TBC1D22A: variants seen among roughly 807,000 people sequenced by gnomAD.
TBC1D22A encodes putative GTPase activator.
In TBC1D22A, 38 loss-of-function variants were observed where a neutral mutation model predicts 60.2. The ratio of observed to expected loss-of-function variants is 0.63; its 90% confidence interval spans 0.49 to 0.83. The LOEUF is 0.83. TBC1D22A is among the 40% of genes least tolerant of loss of function. TBC1D22A has a pLI of 0.00. For missense variants in TBC1D22A, 628 were observed against 701.0 expected (o/e 0.90, Z 1.18); for synonymous variants, 302 against 281.7 (o/e 1.07, Z -0.72).
intron 1 of TBC1D22A, among the ~76,000 whole-genome samples, chr22:46,764,838 T>A (rs1301925560): frequency 6.6e-6 from 1 of 152,204 alleles, no homozygotes; most frequent in Non-Finnish European, 1.5e-5. Flanking sequence ...CAAGGAAGGA[T>A]GCTCACCTAG....
intron 8 of TBC1D22A, among the ~76,000 whole-genome samples, chr22:46,965,705 C>T (rs1049620446): frequency 2.0e-5 from 3 of 152,236 alleles, no homozygotes; most frequent in Non-Finnish European, 2.9e-5. Context: ...GGTGACATCT[C>T]GGCAGCAGGC....
intron 8 of TBC1D22A, among the ~76,000 whole-genome samples, chr22:46,943,475 C>T (rs762287253): frequency 7.2e-5 from 11 of 152,228 alleles, no homozygotes; most frequent in East Asian, 1.9e-4. Flanking sequence ...CACAGAGTAG[C>T]GGCATGGGCT....
At chr22:47,062,276 G>A (rs2063609189) in intron 11 of TBC1D22A, among the ~76,000 whole-genome samples, 1 of 152,030 alleles carries the variant, frequency 6.6e-6, no homozygotes, top group Non-Finnish European at 1.5e-5. Context: ...TCCTGAATCG[G>A]AAGCTCTGGG....
At chr22:47,008,187 C>G (rs2061648063) in intron 10 of TBC1D22A, among the ~76,000 whole-genome samples, 1 of 152,208 alleles carries the variant, frequency 6.6e-6, no homozygotes, top group Non-Finnish European at 1.5e-5. Flanking sequence ...GGACTTACTC[C>G]AGAATGCTGG....
rs541368830 is a variant in TBC1D22A at position 46,861,737 on chromosome 22, C to T, written c.638-16916C>T. Reference sequence around the variant, plus strand: ...TGGGCAAACTCAGAATTGTGTATCCCGGCCGCACTGGGGCTCTGAGCAGTC... The same window carrying T: ...TGGGCAAACTCAGAATTGTGTATCCTGGCCGCACTGGGGCTCTGAGCAGTC... On this transcript the variant is annotated intron_variant, in intron 4 of 12. Coordinates refer to ENST00000337137, the MANE Select transcript of TBC1D22A (RefSeq NM_014346.5). Among the ~76,000 whole-genome samples, 13 of 152,354 alleles carry T rather than the reference C, an allele frequency of 8.5e-5. No homozygotes were observed. In the South Asian group the frequency reaches 1.4e-3, roughly 17 times the overall value.
chr22:46,817,438 T>G (rs1194835843), intron 4 of TBC1D22A, among the ~76,000 whole-genome samples: 1 of 152,168 alleles, frequency 6.6e-6, no homozygotes, highest in Non-Finnish European at 1.5e-5. Context: ...CTGGTGTGTG[T>G]TGTTCCGCTC....
chr22:46,893,514 C>T (rs372243433), intron 6 of TBC1D22A, among the ~76,000 whole-genome samples: 22 of 152,200 alleles, frequency 1.4e-4, no homozygotes, highest in African/African-American at 5.3e-4. Context: ...CCTATGTAAG[C>T]GGGCTTTGCT....
intron 4 of TBC1D22A, among the ~76,000 whole-genome samples, chr22:46,872,996 A>G (rs145846466): frequency 8.5e-5 from 13 of 152,316 alleles, no homozygotes; most frequent in Middle Eastern, 3.4e-3. Context: ...AGCCCTCTCT[A>G]TTGAATAGGA....
intron 4 of TBC1D22A, among the ~76,000 whole-genome samples, chr22:46,845,933 T>G (rs1448931103): frequency 6.6e-6 from 1 of 152,234 alleles, no homozygotes; most frequent in Non-Finnish European, 1.5e-5. Context: ...CTTGCTGCAG[T>G]CGGCCCGCAG....
Position 46,981,535 on chromosome 22 carries a change from C to T in TBC1D22A, c.1125+7136C>T, listed in dbSNP as rs183837816. Among the ~76,000 whole-genome samples the T allele has an allele frequency of 9.2e-5, 14 of 152,316 alleles. 1 individual carries two copies. Among genetic ancestry groups the T allele is most frequent in the Middle Eastern group, 3.4e-3 (1 of 294 alleles). On this transcript the variant is annotated intron_variant, in intron 9 of 12. Coordinates refer to ENST00000337137, the MANE Select transcript of TBC1D22A (RefSeq NM_014346.5). The stretch of plus-strand genomic sequence containing the variant: ...GGTGGAGCTGATTGGATCATGGGGG[C>T]GGTCTCCCCCATTCTGTTCTCTTGA...
intron 10 of TBC1D22A, among the ~76,000 whole-genome samples, chr22:47,008,741 G>T (rs9615438): frequency 1.3e-5 from 2 of 152,184 alleles, no homozygotes; most frequent in Admixed American, 1.3e-4. Flanking sequence ...GTGAGGCCTG[G>T]GTACAGGCAT....
intron 1 of TBC1D22A, among the ~76,000 whole-genome samples, chr22:46,776,342 GCTGTGGCT>G (rs1232094071): frequency 6.6e-6 from 1 of 152,152 alleles, no homozygotes; most frequent in Non-Finnish European, 1.5e-5. Context: ...AGTGGGCACA[GCTGTGGCT>G]GTATGGTGGG....
At chr22:46,853,553 G>T (rs2087403060) in intron 4 of TBC1D22A, among the ~76,000 whole-genome samples, 1 of 152,226 alleles carries the variant, frequency 6.6e-6, no homozygotes, top group Admixed American at 6.5e-5. Context: ...GTCAGCTGCT[G>T]TGAGGGATGA....
At chr22:47,138,769 C>A (rs2066973347) in intron 12 of TBC1D22A, among the ~76,000 whole-genome samples, 1 of 152,186 alleles carries the variant, frequency 6.6e-6, no homozygotes, top group South Asian at 2.1e-4. Context: ...CACCGGCAGA[C>A]CCGGCATCTG....
intron 4 of TBC1D22A, among the ~76,000 whole-genome samples, chr22:46,855,229 T>C (rs4823882): frequency 0.47 from 71,356 of 151,996 alleles, 17,490 homozygotes; most frequent in African/African-American, 0.61. Context: ...CTGCTTTGGA[T>C]GATACACCAT....
At chr22:47,065,637 T>C (rs563133224) in intron 11 of TBC1D22A, among the ~76,000 whole-genome samples, 7 of 152,314 alleles carry the variant, frequency 4.6e-5, no homozygotes, top group African/African-American at 1.4e-4. Flanking sequence ...GGCCTCGGAG[T>C]TGGGACTGGG....
chr22:47,044,436 G>C (rs2062964417), intron 11 of TBC1D22A, among the ~76,000 whole-genome samples: 1 of 152,208 alleles, frequency 6.6e-6, no homozygotes, highest in South Asian at 2.1e-4. Context: ...TACCGCACCT[G>C]CTGGGTGCTC....
chr22:46,859,956 G>C (rs2087775163), intron 4 of TBC1D22A, among the ~76,000 whole-genome samples: 1 of 15,218 alleles, frequency 6.6e-5, no homozygotes, highest in Non-Finnish European at 1.1e-4. Flanking sequence ...AGAGGTCCGC[G>C]CAGTGCTGTG....
At chr22:46,910,362 AT>A (rs2069825523) in intron 7 of TBC1D22A, among the ~76,000 whole-genome samples, 1 of 151,966 alleles carries the variant, frequency 6.6e-6, no homozygotes, top group South Asian at 2.1e-4. Flanking sequence ...GTTGATGGTG[AT>A]TTTGGGGATG....
Sources: gnomAD v4.1 joint callset for allele counts (sites outside exome capture counted in the v4.1 genomes callset) on GRCh38, gnomAD v4.1.1 for gene constraint, MANE v1.5 for transcripts, NCBI Gene and HGNC (gene_info 2026-07-23, HGNC 2026-07-21) for gene names.